Variants in CHST3 observed in about 807,000 individuals in gnomAD.
CHST3 encodes carbohydrate sulfotransferase 3, also known as C6ST-1.
In CHST3, 20 loss-of-function variants were observed where a neutral mutation model predicts 35.4. The observed-to-expected ratio is 0.57, with a 90% confidence interval of 0.40 to 0.82. CHST3 has a LOEUF of 0.82. Among genes scored for constraint, CHST3 ranks in the 40% least tolerant of loss-of-function variants. The pLI, the probability that CHST3 is intolerant of heterozygous loss-of-function variation, is 0.00. For missense variants in CHST3, 693 were observed against 670.1 expected, an observed-to-expected ratio of 1.03 and a Z score of -0.38; for synonymous variants, 334 against 295.9, an observed-to-expected ratio of 1.13 and a Z score of -1.32.
intron 1 of CHST3, among the ~76,000 whole-genome samples, chr10:71,995,661 A>C (rs1839932272): frequency 1.3e-5 from 2 of 152,174 alleles, no homozygotes; most frequent in African/African-American, 4.8e-5. Context: ...TTCAAGGAAC[A>C]AGGAGAGGCC....
intron 2 of CHST3, 40 bp downstream of exon 2, chr10:72,006,022 G>A (rs890377692): frequency 2.6e-6 from 4 of 1,522,516 alleles, no homozygotes; most frequent in Admixed American, 1.7e-5. Context: ...TCCTTTCAAG[G>A]TGGGGTGGGT....
chr10:71,994,095 A>C (rs1839920017), intron 1 of CHST3, among the ~76,000 whole-genome samples: 1 of 151,756 alleles, frequency 6.6e-6, no homozygotes, highest in Admixed American at 6.6e-5. Flanking sequence ...GCGAGACTCC[A>C]TTCAAAAACA....
intron 1 of CHST3, among the ~76,000 whole-genome samples, chr10:71,967,934 G>T (rs1839647219): frequency 6.6e-6 from 1 of 150,844 alleles, no homozygotes; most frequent in African/African-American, 2.4e-5. Context: ...CAATTCCCCT[G>T]CCTCAGCCCC....
intron 1 of CHST3, among the ~76,000 whole-genome samples, chr10:71,974,699 A>C (rs1004373438): frequency 1.3e-5 from 2 of 152,114 alleles, no homozygotes; most frequent in African/African-American, 4.8e-5. Flanking sequence ...TCTGCCGCCC[A>C]CCTGCTGTCT....
chr10:71,978,186 G>C (rs1259297560), intron 1 of CHST3, among the ~76,000 whole-genome samples: 2 of 152,154 alleles, frequency 1.3e-5, no homozygotes, highest in Admixed American at 1.3e-4. Flanking sequence ...TTTGAGACCA[G>C]CCTGACCAAC....
At chr10:71,970,258 C>T (rs566296023) in intron 1 of CHST3, among the ~76,000 whole-genome samples, 1 of 152,286 alleles carries the variant, frequency 6.6e-6, no homozygotes, top group South Asian at 2.1e-4. Flanking sequence ...CCTCACCCCC[C>T]ACCACCTCCT....
chr10:71,974,433 G>A (rs1284240971), intron 1 of CHST3, among the ~76,000 whole-genome samples: 3 of 152,188 alleles, frequency 2.0e-5, no homozygotes, highest in African/African-American at 7.2e-5. Flanking sequence ...TGTCGCTTGA[G>A]TCTTCCCTCA....
intron 1 of CHST3, among the ~76,000 whole-genome samples, chr10:71,999,189 A>C (rs897548976): frequency 1.3e-5 from 2 of 152,200 alleles, no homozygotes; most frequent in African/African-American, 4.8e-5. Context: ...ATAAGAACAA[A>C]ATTAAAAAAT....
intron 1 of CHST3, among the ~76,000 whole-genome samples, chr10:71,979,698 CTCTA>C (rs1170213313): frequency 2.6e-5 from 4 of 151,886 alleles, no homozygotes; most frequent in South Asian, 2.1e-4. Context: ...TATTTTTTTT[CTCTA>C]TCTAAGGTAG....
At chr10:71,999,190 A>G (rs139302144) in intron 1 of CHST3, among the ~76,000 whole-genome samples, 1 of 152,320 alleles carries the variant, frequency 6.6e-6, no homozygotes, top group African/African-American at 2.4e-5. Flanking sequence ...TAAGAACAAA[A>G]TTAAAAAATA....
At chr10:71,976,406 A>AGT (rs1036774646) in intron 1 of CHST3, among the ~76,000 whole-genome samples, 4 of 152,134 alleles carry the variant, frequency 2.6e-5, no homozygotes, top group African/African-American at 9.7e-5. Context: ...CGCGTGTATC[A>AGT]GTGTACCCCA....
At chr10:72,006,004 C>T in intron 2 of CHST3, 22 bp downstream of exon 2, 2 of 1,543,224 alleles carry the variant, frequency 1.3e-6, no homozygotes, top group East Asian at 2.3e-5. Flanking sequence ...AAGCCCAAGT[C>T]TTCATCTTCC....
At chr10:71,973,438 A>G (rs1318745716) in intron 1 of CHST3, among the ~76,000 whole-genome samples, 1 of 152,198 alleles carries the variant, frequency 6.6e-6, no homozygotes, top group Non-Finnish European at 1.5e-5. Context: ...TCTGCAAGTA[A>G]CGAGGCCTGC....
chr10:71,985,966 A>G (rs1018323472), intron 1 of CHST3, among the ~76,000 whole-genome samples: 2 of 152,222 alleles, frequency 1.3e-5, no homozygotes, highest in African/African-American at 4.8e-5. Context: ...TATAAATGGA[A>G]TTATGCAGTG....
intron 1 of CHST3, among the ~76,000 whole-genome samples, chr10:71,970,762 T>G (rs1839686054): frequency 6.6e-6 from 1 of 152,254 alleles, no homozygotes; most frequent in Non-Finnish European, 1.5e-5. Context: ...TTCTCCATTT[T>G]GTGGCATCTG....
In CHST3 at chr10:72,007,506, T is replaced by A. The variant is rs145538723; in HGVS notation, c.475T>A (p.Phe159Ile). 5.9e-5 allele frequency: 95 copies of A among 1,602,220 alleles called. No individual in the cohort carries two copies. Among genetic ancestry groups the A allele is most frequent in the Non-Finnish European group, 7.8e-5 (92 of 1,179,742 alleles). The change falls in exon 3 of 3, where the codon TTC (phenylalanine) becomes ATC (isoleucine). Residue 159 changes from phenylalanine (F) to isoleucine (I), a missense_variant. Transcript: ENST00000373115. ...GEFFNQQGNIFYLFEPLWHIE... is the reference protein window; with the variant it reads ...GEFFNQQGNIIYLFEPLWHIE... ...GTTCTTCAACCAGCAGGGCAACATC[T>A]TCTACCTCTTCGAGCCGCTGTGGCA...
intron 1 of CHST3, among the ~76,000 whole-genome samples, chr10:71,974,466 G>A (rs1341371675): frequency 2.6e-5 from 4 of 152,182 alleles, no homozygotes; most frequent in Non-Finnish European, 4.4e-5. Context: ...GAGAGACATG[G>A]CAGGGGCATC....
In CHST3 at chr10:72,007,498, G is replaced by A. The variant is rs377025689; in HGVS notation, c.467G>A (p.Gly156Asp). 27 of 1,602,284 alleles carry A rather than the reference G, an allele frequency of 1.7e-5. No individual in the cohort carries two copies. The highest frequency in any genetic ancestry group is 1.9e-5 in the Non-Finnish European group (23 of 1,179,776). ...SFVGEFFNQQGNIFYLFEPLW... is the reference protein window; with the variant it reads ...SFVGEFFNQQDNIFYLFEPLW... ...GTGGGCGAGTTCTTCAACCAGCAGG[G>A]CAACATCTTCTACCTCTTCGAGCCG... Residue 156 changes from glycine (G) to aspartate (D), a missense_variant, in exon 3 of 3, where the codon GGC becomes GAC. Gly to Asp is a moderately conservative substitution (Grantham distance 94). Coordinates refer to ENST00000373115, the MANE Select transcript of CHST3 (RefSeq NM_004273.5).
chr10:71,971,009 G>C (rs888008573), intron 1 of CHST3, among the ~76,000 whole-genome samples: 2 of 152,204 alleles, frequency 1.3e-5, no homozygotes, highest in Non-Finnish European at 2.9e-5. Flanking sequence ...TATTCTGAGT[G>C]ACTAAGTCTG....
Sources: allele counts gnomAD v4.1 joint callset (sites outside exome capture counted in the v4.1 genomes callset), GRCh38; gene constraint gnomAD v4.1.1; transcripts MANE v1.5; gene names NCBI Gene and HGNC (gene_info 2026-07-23, HGNC 2026-07-21).